The following NDUFA10 variants were observed in gnomAD, a reference collection of about 807,000 sequenced individuals.
NDUFA10 encodes NADH dehydrogenase [ubiquinone] 1 alpha subcomplex subunit 10, mitochondrial.
In NDUFA10, 40 loss-of-function variants were observed where a neutral mutation model predicts 47.8. That is an observed-to-expected ratio of 0.84 (90% confidence interval 0.65 to 1.09). The LOEUF is 1.09. Among genes scored for constraint, NDUFA10 ranks in the 50% least tolerant of loss-of-function variants. The pLI, the probability that NDUFA10 is intolerant of heterozygous loss-of-function variation, is 0.00. For missense variants in NDUFA10, 413 were observed against 451.1 expected (o/e 0.92, Z 0.76); for synonymous variants, 183 against 172.2 (o/e 1.06, Z -0.49).
At chr2:239,979,518 A>T (rs1695683855) in intron 9 of NDUFA10, among the ~76,000 whole-genome samples, 1 of 152,082 alleles carries the variant, frequency 6.6e-6, no homozygotes, top group South Asian at 2.1e-4. Context: ...TTAATTTTGA[A>T]AACCTAAAAA....
intron 4 of NDUFA10, among the ~76,000 whole-genome samples, chr2:239,897,771 G>A (rs539202268): frequency 6.6e-6 from 1 of 152,234 alleles, no homozygotes; most frequent in East Asian, 1.9e-4. Flanking sequence ...AAGACTGATG[G>A]CCGCCCTGGA....
intron 9 of NDUFA10, among the ~76,000 whole-genome samples, chr2:239,973,321 G>A (rs527317310): frequency 3.3e-5 from 5 of 152,202 alleles, no homozygotes; most frequent in South Asian, 2.1e-4. Context: ...CTGGCCTTCC[G>A]TCTCCCGCAT....
At chr2:239,929,485 A>G (rs919802965) in intron 4 of NDUFA10, among the ~76,000 whole-genome samples, 1 of 152,164 alleles carries the variant, frequency 6.6e-6, no homozygotes, top group African/African-American at 2.4e-5. Context: ...CTCACCTCTC[A>G]ACGTTATTTA....
At chr2:239,939,818 C>T (rs529250387) in intron 4 of NDUFA10, among the ~76,000 whole-genome samples, 11 of 152,230 alleles carry the variant, frequency 7.2e-5, no homozygotes, top group African/African-American at 1.9e-4. Context: ...ACGGTCAGAA[C>T]GCTGATAATC....
In NDUFA10 at chr2:240,024,450, G is replaced by A. The variant is rs557644150; in HGVS notation, c.75+777C>T. Reference sequence around the variant, plus strand: ...TTAATGAGATCTGTGGTTGTCAGGGGTTGGAGAAAAAGAAGGGTTTAATAG... The same window carrying A: ...TTAATGAGATCTGTGGTTGTCAGGGATTGGAGAAAAAGAAGGGTTTAATAG... On this transcript the variant is annotated intron_variant, in intron 1 of 9. Coordinates refer to ENST00000252711, the MANE Select transcript of NDUFA10 (RefSeq NM_004544.4). 5.3e-5 allele frequency among the ~76,000 whole-genome samples: 8 copies of A among 152,300 alleles called. No individual in the cohort carries two copies. In the South Asian group the frequency reaches 1.7e-3, roughly 32 times the overall value.
intron 4 of NDUFA10, among the ~76,000 whole-genome samples, chr2:239,926,956 G>A (rs1408447801): frequency 6.6e-6 from 1 of 152,136 alleles, no homozygotes; most frequent in Non-Finnish European, 1.5e-5. Flanking sequence ...GTGCAGGGGA[G>A]CTTCTCTTTA....
Position 239,922,564 on chromosome 2 carries a change from G to A in NDUFA10, c.295-27250C>T, listed in dbSNP as rs377441811. 1.4e-4 allele frequency among the ~76,000 whole-genome samples: 22 copies of A among 152,286 alleles called. No homozygotes were observed. The East Asian group carries it at 3.5e-3, about 24-fold the overall frequency. The stretch of plus-strand genomic sequence containing the variant: ...CAATGACTTCTCAGGGGATAGAGGC[G>A]GTGTCACCTGGGAAAAATCAGAGGC... On this transcript the variant is annotated intron_variant, in intron 4 of 5. Transcript: ENST00000419408.
rs949042122 is a variant in NDUFA10, at chr2:240,018,110, G to A, written c.547+443C>T. On this transcript the variant is annotated intron_variant, in intron 4 of 9. Coordinates refer to ENST00000252711, the MANE Select transcript of NDUFA10 (RefSeq NM_004544.4). ...ACACAAAGCTACTGTCCTGAAAAAC[G>A]GCAGCGTGTCAGAGGGAAGCACTGT... Among the ~76,000 whole-genome samples, 6 of 152,178 alleles carry A rather than the reference G, an allele frequency of 3.9e-5. No homozygotes were observed. In the East Asian group the frequency reaches 5.8e-4, roughly 15 times the overall value.
At position 239,928,090 on chromosome 2, in the gene NDUFA10, G is replaced by T. The variant is rs1390645824; in HGVS notation, c.295-32776C>A. ...AAGAAGGGCCCTCCCATCCCACATG[G>T]GAAAACAGCAGACCCCAGCACAGCC... On this transcript the variant is annotated intron_variant, in intron 4 of 5. Coordinates refer to the NDUFA10 transcript ENST00000419408. This position sits in a 1 kb window ranked among gnomAD's most constrained non-coding sequence, Gnocchi z 4.3. 6.6e-6 allele frequency among the ~76,000 whole-genome samples: 1 copy of T among 152,040 alleles called. No individual in the cohort carries two copies. The highest frequency in any genetic ancestry group is 2.4e-5 in the African/African-American group (1 of 41,370).
intron 4 of NDUFA10, among the ~76,000 whole-genome samples, chr2:239,898,580 C>T (rs1693445657): frequency 6.6e-6 from 1 of 152,354 alleles, no homozygotes; most frequent in Non-Finnish European, 1.5e-5. Context: ...CAGGGGCAGG[C>T]AAGGAACGCC....
chr2:239,998,496 CTG>C (rs935791646), intron 8 of NDUFA10, among the ~76,000 whole-genome samples: 6 of 151,912 alleles, frequency 3.9e-5, no homozygotes, highest in African/African-American at 1.4e-4. Context: ...ATGCTGCTGT[CTG>C]TGGCAGGGCC....
chr2:240,022,361 C>T (rs1697658315), intron 1 of NDUFA10, 21 bp from the exon 2 acceptor site: 2 of 1,613,826 alleles, frequency 1.2e-6, no homozygotes, highest in East Asian at 2.2e-5. Flanking sequence ...CAAAATCACA[C>T]AGCAGCACAT....
At position 240,011,156 on chromosome 2, in the gene NDUFA10, T is replaced by C. The variant is rs568439216; in HGVS notation, c.749+461A>G. 1.4e-4 allele frequency among the ~76,000 whole-genome samples: 21 copies of C among 152,328 alleles called. No homozygotes were observed. The South Asian group carries it at 4.4e-3, about 32-fold the overall frequency. On this transcript the variant is annotated intron_variant, in intron 6 of 9. Coordinates refer to ENST00000252711, the MANE Select transcript of NDUFA10 (RefSeq NM_004544.4). ...AAAAGAAAGAAAAACAGTCTGGTGG[T>C]GTTTCCTTCATCTAATCCAAACATC...
chr2:239,927,783 A>G (rs908765020), intron 4 of NDUFA10, among the ~76,000 whole-genome samples: 3 of 152,208 alleles, frequency 2.0e-5, no homozygotes, highest in African/African-American at 7.2e-5. Context: ...GATTCACACG[A>G]TGACATCAGC....
chr2:239,976,314 A>G (rs1037822867), intron 9 of NDUFA10, among the ~76,000 whole-genome samples: 1 of 151,324 alleles, frequency 6.6e-6, no homozygotes, highest in African/African-American at 2.4e-5. Context: ...ATCTCGCCCC[A>G]CTCGCCACCC....
chr2:239,926,026 T>C (rs1409039977), intron 4 of NDUFA10, among the ~76,000 whole-genome samples: 1 of 152,214 alleles, frequency 6.6e-6, no homozygotes, highest in Non-Finnish European at 1.5e-5. Context: ...GAGATTGTCC[T>C]TCACACATCA....
At chr2:239,982,434 T>A (rs1380846803) in intron 9 of NDUFA10, among the ~76,000 whole-genome samples, 1 of 152,232 alleles carries the variant, frequency 6.6e-6, no homozygotes, top group Non-Finnish European at 1.5e-5. Context: ...TCACAATAAT[T>A]CTTGCTAAAC....
chr2:239,955,719 G>A (rs1694639606), downstream of NDUFA10, among the ~76,000 whole-genome samples: 1 of 152,210 alleles, frequency 6.6e-6, no homozygotes, highest in Admixed American at 6.5e-5. Context: ...AGATAGGGCA[G>A]GCCCAAGGGG....
intron 4 of NDUFA10, among the ~76,000 whole-genome samples, chr2:239,912,942 T>C (rs1224763018): frequency 1.3e-5 from 2 of 152,236 alleles, no homozygotes; most frequent in Non-Finnish European, 2.9e-5. Context: ...GCCAAGCTGT[T>C]CCCAGCTGCC....
Sources: allele counts gnomAD v4.1 joint callset (sites outside exome capture counted in the v4.1 genomes callset), GRCh38; gene constraint gnomAD v4.1.1; non-coding constraint Gnocchi (gnomAD v3.1); transcripts MANE v1.5; gene names NCBI Gene and HGNC (gene_info 2026-07-23, HGNC 2026-07-21).